Variants in RALA observed in about 807,000 individuals in gnomAD.
RALA encodes the protein ras-related protein Ral-A.
Under a neutral mutation model 24.0 loss-of-function variants are expected in RALA, and 5 were observed. The ratio of observed to expected loss-of-function variants is 0.21; its 90% CI spans 0.11 to 0.44. The LOEUF (loss-of-function observed/expected upper bound fraction) is 0.44, where lower values mean the gene tolerates loss of function less well. Ranked by LOEUF, RALA falls within the 20% of genes least tolerant of loss-of-function variation. The pLI is 0.99. For missense variants in RALA, 95 were observed against 241.2 expected (o/e 0.39, Z 4.01); for synonymous variants, 77 against 83.8 (o/e 0.92, Z 0.44).
intron 1 of RALA, among the ~76,000 whole-genome samples, chr7:39,679,484 A>G (rs990339412): frequency 2.6e-5 from 4 of 152,144 alleles, no homozygotes; most frequent in African/African-American, 9.7e-5. Flanking sequence ...CTTATCAGTG[A>G]GGTCAAGTAT....
chr7:39,657,531 A>G (rs1163837913), intron 1 of RALA, among the ~76,000 whole-genome samples: 1 of 152,228 alleles, frequency 6.6e-6, no homozygotes, highest in African/African-American at 2.4e-5. Context: ...CGGTCCCAGG[A>G]AAGCCCTACT....
chr7:39,685,604 T>G (rs1312647951), intron 1 of RALA, among the ~76,000 whole-genome samples: 1 of 151,894 alleles, frequency 6.6e-6, no homozygotes, highest in Non-Finnish European at 1.5e-5. Context: ...TGTAAGAACC[T>G]GGCCTCTCCA....
chr7:39,679,469 TTTATC>T (rs780223193), intron 1 of RALA, among the ~76,000 whole-genome samples: 4 of 152,206 alleles, frequency 2.6e-5, no homozygotes, highest in African/African-American at 4.8e-5. Context: ...TTTATTTGTA[TTTATC>T]TTATCAGTGA....
intron 1 of RALA, among the ~76,000 whole-genome samples, chr7:39,625,963 C>A (rs1791478292): frequency 6.6e-6 from 1 of 152,100 alleles, no homozygotes; most frequent in South Asian, 2.1e-4. Context: ...CATTTGTATT[C>A]TTTAGTAGAT....
intron 1 of RALA, among the ~76,000 whole-genome samples, chr7:39,670,910 G>A (rs188710082): frequency 1.2e-3 from 178 of 152,124 alleles, no homozygotes; most frequent in African/African-American, 3.8e-3. Context: ...TTTCCTTACA[G>A]TAACTCTTCT....
At chr7:39,688,579 A>ATTTTTTTTTTTTTTTTTT (rs34265657) in intron 2 of RALA, among the ~76,000 whole-genome samples, 1 of 142,770 alleles carries the variant, frequency 7.0e-6, no homozygotes. Flanking sequence ...CACATGCCTA[A>ATTTTTTTTTTTTTTTTTT]TTTTTTTTTT....
chr7:39,696,564 T>G, intron 3 of RALA, 121 bp from the exon 4 acceptor site: 3 of 737,254 alleles, frequency 4.1e-6, no homozygotes, highest in Non-Finnish European at 6.4e-6. Flanking sequence ...GTTCATTAAT[T>G]GTGATTTGTG....
intron 4 of RALA, among the ~76,000 whole-genome samples, chr7:39,699,509 G>A (rs1792985833): frequency 6.6e-6 from 1 of 152,202 alleles, no homozygotes; most frequent in Non-Finnish European, 1.5e-5. Context: ...AGTCAGTGAA[G>A]CATTATTTTT....
At position 39,628,746 on chromosome 7, in the gene RALA, G is replaced by A. The variant is rs563446818; in HGVS notation, c.-38+4921G>A. On this transcript the variant is annotated intron_variant, in intron 1 of 4. Transcript: ENST00000005257. ...AATTTTTTGTATTTTTAGTAGAGACGGGGTTTCACCATGCTGGCCAGGCTG... is the reference window on the plus strand; with the variant it reads ...AATTTTTTGTATTTTTAGTAGAGACAGGGTTTCACCATGCTGGCCAGGCTG... 3.3e-5 allele frequency among the ~76,000 whole-genome samples: 5 copies of A among 151,998 alleles called. No homozygotes were observed. The East Asian group carries it at 9.7e-4, about 30-fold the overall frequency.
At chr7:39,634,309 G>C (rs1448136351) in intron 1 of RALA, among the ~76,000 whole-genome samples, 6 of 152,092 alleles carry the variant, frequency 3.9e-5, no homozygotes, top group African/African-American at 1.4e-4. Context: ...TTTTCTCTCT[G>C]GGTCTTGCTG....
chr7:39,704,923 G>A (rs571288370), intron 4 of RALA, among the ~76,000 whole-genome samples: 4 of 152,086 alleles, frequency 2.6e-5, no homozygotes, highest in East Asian at 3.9e-4. Flanking sequence ...TGATCTGCCC[G>A]CCTCGGCCTC....
At chr7:39,677,160 G>T (rs1476380231) in intron 1 of RALA, among the ~76,000 whole-genome samples, 1 of 152,228 alleles carries the variant, frequency 6.6e-6, no homozygotes, top group Non-Finnish European at 1.5e-5. Context: ...GATGCCCCAG[G>T]CTCTAGAAGC....
At chr7:39,635,817 C>T (rs1296111488) in intron 1 of RALA, among the ~76,000 whole-genome samples, 1 of 152,220 alleles carries the variant, frequency 6.6e-6, no homozygotes, top group Non-Finnish European at 1.5e-5. Flanking sequence ...AATGCTTGCT[C>T]ACCCTCCGCT....
chr7:39,624,526 A>G (rs752903166), intron 1 of RALA: 1 of 151,974 alleles, frequency 6.6e-6, no homozygotes, highest in Non-Finnish European at 1.5e-5. Context: ...GGAAGATGTG[A>G]TTGGCATGCT....
chr7:39,629,517 C>T (rs963743987), intron 1 of RALA, among the ~76,000 whole-genome samples: 5 of 152,102 alleles, frequency 3.3e-5, no homozygotes, highest in Admixed American at 1.3e-4. Context: ...CAGGTTCAAG[C>T]GATTCTCCTG....
At chr7:39,692,614 C>A (rs1305572276) in intron 3 of RALA, among the ~76,000 whole-genome samples, 1 of 152,128 alleles carries the variant, frequency 6.6e-6, no homozygotes, top group Non-Finnish European at 1.5e-5. Context: ...TCTATTAACT[C>A]TAAAAAAATA....
intron 1 of RALA, among the ~76,000 whole-genome samples, chr7:39,651,190 G>T (rs1255098317): frequency 6.6e-6 from 1 of 152,172 alleles, no homozygotes; most frequent in Non-Finnish European, 1.5e-5. Context: ...AGTTGATTTT[G>T]CCCAACTGTA....
At chr7:39,694,378 C>T (rs1478189846) in intron 3 of RALA, among the ~76,000 whole-genome samples, 1 of 152,130 alleles carries the variant, frequency 6.6e-6, no homozygotes, top group Non-Finnish European at 1.5e-5. Flanking sequence ...AGTTAAAATG[C>T]AGGAGGTCTG....
chr7:39,676,562 A>G (rs908267483), intron 1 of RALA, among the ~76,000 whole-genome samples: 1 of 152,200 alleles, frequency 6.6e-6, no homozygotes, highest in African/African-American at 2.4e-5. Context: ...TCATATCATC[A>G]CTAAAAAATG....
Sources: allele counts gnomAD v4.1 joint callset (sites outside exome capture counted in the v4.1 genomes callset), GRCh38; gene constraint gnomAD v4.1.1; transcripts MANE v1.5; gene names NCBI Gene and HGNC (gene_info 2026-07-23, HGNC 2026-07-21).